Variants in BTNL9 observed in about 807,000 individuals in gnomAD.
BTNL9 encodes the protein butyrophilin-like protein 9.
BTNL9 carries 45 observed loss-of-function variants against 45.8 expected under a neutral mutation model. The ratio of observed to expected loss-of-function variants is 0.98; its 90% CI spans 0.77 to 1.26. The LOEUF is 1.26. Ranked by LOEUF, BTNL9 falls within the 50% of genes most tolerant of loss-of-function variation. The pLI is 0.00. For missense variants in BTNL9, 784 were observed against 729.7 expected (o/e 1.07, Z -0.86); for synonymous variants, 346 against 330.8 (o/e 1.05, Z -0.50).
At position 181,059,114 on chromosome 5, in the gene BTNL9, G is replaced by T. The variant is rs1762026083; in HGVS notation, c.983-123G>T. On this transcript the variant is annotated intron_variant, in intron 10 of 10. Transcript: ENST00000327705. ...AGGGGGTTTGCAGGGGTGAGGGTCG[G>T]GGTAAGGGGTTCATTTCCTCGATTA... is the stretch of plus-strand genomic sequence containing the variant. The T allele has an allele frequency of 2.1e-6, 3 of 1,399,492 alleles. No individual in the cohort carries two copies. The African/African-American group carries it at 4.5e-5, about 21-fold the overall frequency. The allele number at this position is 1,399,492 out of a possible 1,614,324, so 86.7% of individuals were successfully genotyped here.
rs900463576 is a variant in BTNL9, at chr5:181,050,273, T to C, written c.640T>C (p.Ser214Pro). The C allele has an allele frequency of 1.1e-5, 18 of 1,614,006 alleles. No homozygotes were observed. Among genetic ancestry groups the C allele is most frequent in the Middle Eastern group, 3.3e-4 (2 of 6,084 alleles). The part of the protein sequence containing the change: ...DAQDLFSLET[S>P]VVVRAGALSN... ...CCAGGACCTGTTCAGTCTGGAAACA[T>C]CTGTGGTTGTCCGAGCGGGAGCCCT... Residue 214 changes from serine to proline, a missense_variant, in exon 4 of 11, where the codon TCT (serine) becomes CCT (proline). Transcript: ENST00000327705. This position sits in a 1 kb window ranked among gnomAD's most constrained non-coding sequence, Gnocchi z 4.9.
chr5:181,051,486 T>A (rs980789899), intron 4 of BTNL9, among the ~76,000 whole-genome samples: 10 of 152,192 alleles, frequency 6.6e-5, no homozygotes, highest in African/African-American at 2.2e-4. Context: ...ACCACAGCAG[T>A]TCTAAATTCC....
At chr5:181,052,026 A>AG in intron 4 of BTNL9, among the ~76,000 whole-genome samples, 1 of 151,898 alleles carries the variant, frequency 6.6e-6, no homozygotes, top group Non-Finnish European at 1.5e-5. Context: ...CAGAGGGTCG[A>AG]GGGGGAGGGT....
Position 181,053,276 on chromosome 5 carries a change from G to A in BTNL9, c.813G>A (p.Ala271=). The A allele has an allele frequency of 1.9e-6, 3 of 1,584,808 alleles. No homozygotes were observed. The highest frequency in any genetic ancestry group is 1.7e-5 in the Admixed American group (1 of 57,846). Residue 271 remains alanine, a synonymous_variant, in exon 5 of 11, where the codon GCG becomes GCA. Transcript: ENST00000327705. This position sits in a 1 kb window ranked among gnomAD's most constrained non-coding sequence, Gnocchi z 6.5. The stretch of plus-strand genomic sequence containing the variant: ...TGCCGCTGCTGTTGGTCCTCGCGGC[G>A]CTGGCGCTGGGCGTCCTCCGGAAGC... ...ATLPLLLVLA[A]LALGVLRKQR...
At position 181,050,105 on chromosome 5, in the gene BTNL9, C is replaced by T. The variant is rs746068944; in HGVS notation, c.472C>T (p.His158Tyr). 3.7e-6 allele frequency: 6 copies of T among 1,613,846 alleles called. No homozygotes were observed. Among genetic ancestry groups the T allele is most frequent in the Admixed American group, 1.7e-5 (1 of 60,026 alleles). ...LEVAGLGSDP[H>Y]LSLEGFKEGG... ...TCCACCAGGGCTGGGCTCAGACCCT[C>T]ACCTCTCCCTTGAGGGCTTCAAGGA... The change falls in exon 4 of 11, where the codon CAC (histidine) becomes TAC (tyrosine). Residue 158 changes from histidine (H) to tyrosine (Y), a missense_variant. Physicochemically the swap from His to Tyr is moderately conservative, Grantham distance 83. Coordinates refer to ENST00000327705, the MANE Select transcript of BTNL9 (RefSeq NM_152547.5). The surrounding 1 kb of genome is among the most constrained non-coding windows in gnomAD (Gnocchi z 4.9).
chr5:181,054,617 A>G (rs1761778076), intron 7 of BTNL9: 1 of 985,318 alleles, frequency 1.0e-6, no homozygotes, highest in Admixed American at 6.1e-5. Flanking sequence ...AAATGGAAAT[A>G]ATTTCTCAGA....
chr5:181,059,323 CCAG>C lies in BTNL9; in HGVS notation c.1070_1072del (p.Pro357_Gly358delinsArg). 6.4e-7 allele frequency: 1 copy of C among 1,553,314 alleles called. No homozygotes were observed. The highest frequency in any genetic ancestry group is 1.4e-5 in the African/African-American group (1 of 73,610). On this transcript the variant is annotated inframe_deletion, in exon 11 of 11. Transcript: ENST00000327705. Reference sequence around the variant, plus strand: ...GAGCGTGTCTTCCCGCGGGGCGCCGCCAGGCCCGGCGCCTGGCCACCCGCAGCG... The same window carrying C: ...GAGCGTGTCTTCCCGCGGGGCGCCGCGCCCGGCGCCTGGCCACCCGCAGCG...
In BTNL9 at chr5:181,055,904, C is replaced by T. The variant is rs1761858123; in HGVS notation, c.929-85C>T. On this transcript the variant is annotated intron_variant, in intron 8 of 10. Transcript: ENST00000327705. The surrounding 1 kb of genome is among the most constrained non-coding windows in gnomAD (Gnocchi z 4.4). ...TATGTGGGTGGTGGGGGGTGCGGGA[C>T]AGGGTGGGTGCAAGATGTGATGTGT... 1 of 1,528,540 alleles carries T rather than the reference C, an allele frequency of 6.5e-7. No individual in the cohort carries two copies. The highest frequency in any genetic ancestry group is 1.4e-5 in the African/African-American group (1 of 73,032). The allele number at this position is 1,528,540 out of a possible 1,614,324, so 94.7% of individuals were successfully genotyped here.
chr5:181,052,863 C>T (rs1271198728), intron 4 of BTNL9: 3 of 133,180 alleles, frequency 2.3e-5, no homozygotes, highest in African/African-American at 9.3e-5. Flanking sequence ...GGACATCCGC[C>T]GCCAGCCAAG....
intron 9 of BTNL9, among the ~76,000 whole-genome samples, 194 bp downstream of exon 9, chr5:181,056,209 A>G (rs144751346): frequency 6.6e-6 from 1 of 152,082 alleles, no homozygotes; most frequent in Non-Finnish European, 1.5e-5. Context: ...ACTAGTTCCA[A>G]TCCTGGTTAC....
chr5:181,059,231 G>A lies in BTNL9; in HGVS notation c.983-6G>A. The stretch of plus-strand genomic sequence containing the variant: ...GGGCGGGCACTAACGCTGTGGCTCT[G>A]CGCAGTGGATGTGACGCTGGACCCG... On this transcript the variant is annotated splice_region_variant and splice_polypyrimidine_tract_variant and intron_variant, in intron 10 of 10. Transcript: ENST00000327705. The A allele has an allele frequency of 1.9e-6, 3 of 1,540,018 alleles. No individual in the cohort carries two copies. The highest frequency in any genetic ancestry group is 2.6e-6 in the Non-Finnish European group (3 of 1,152,956).
rs1761776306 is a variant in BTNL9 at position 181,054,580 on chromosome 5, G to T, written c.907+321G>T. Reference sequence around the variant, plus strand: ...TTCTTTTTAATGCAAATGGCACTAGGAAGGGTGGCACCTTTAATTTGCACC... The same window carrying T: ...TTCTTTTTAATGCAAATGGCACTAGTAAGGGTGGCACCTTTAATTTGCACC... On this transcript the variant is annotated intron_variant, in intron 7 of 10. Transcript: ENST00000327705. The T allele has an allele frequency of 6.1e-6, 6 of 985,328 alleles. No individual in the cohort carries two copies. The African/African-American group carries it at 7.0e-5, about 11-fold the overall frequency. The allele number at this position is 985,328 out of a possible 1,614,324, so 61.0% of individuals were successfully genotyped here.
chr5:181,059,499 T>G lies in BTNL9; in HGVS notation c.1245T>G (p.Pro415=). 6.4e-7 allele frequency: 1 copy of G among 1,570,304 alleles called. No individual in the cohort carries two copies. ...VPRAGPARLS[P]AAGYWVLGLW... is the part of the protein sequence containing the mutation. ...GCGCGGGGCCTGCGCGCCTGAGCCC[T>G]GCGGCCGGCTACTGGGTGCTGGGGC... Residue 415 remains proline (P), a synonymous_variant, in exon 11 of 11, where the codon CCT becomes CCG. Transcript: ENST00000327705.
intron 1 of BTNL9, among the ~76,000 whole-genome samples, chr5:181,045,150 C>G (rs930435705): frequency 2.0e-5 from 3 of 152,186 alleles, no homozygotes; most frequent in African/African-American, 7.2e-5. Flanking sequence ...GCTGAGCCCC[C>G]ACACATTGTG....
rs1760824067 is a variant in BTNL9 at position 181,042,436 on chromosome 5, G to A, written c.-24+2004G>A. Among the ~76,000 whole-genome samples, 1 of 152,210 alleles carries A rather than the reference G, an allele frequency of 6.6e-6. No individual in the cohort carries two copies. Among genetic ancestry groups the A allele is most frequent in the African/African-American group, 2.4e-5 (1 of 41,446 alleles). The stretch of plus-strand genomic sequence containing the variant: ...ATCAAAATAGCAGAGGGTGGAAAGT[G>A]TTTCCTTCGAGGAGGGGACTTACGC... On this transcript the variant is annotated intron_variant, in intron 1 of 10. Transcript: ENST00000327705. This position sits in a 1 kb window ranked among gnomAD's most constrained non-coding sequence, Gnocchi z 4.5.
intron 2 of BTNL9, 52 bp downstream of exon 2, chr5:181,045,650 C>G (rs369677072): frequency 1.1e-5 from 15 of 1,410,574 alleles, no homozygotes; most frequent in Admixed American, 6.7e-5. Context: ...CCCCTCCTGC[C>G]AGGTGCTCCC....
chr5:181,048,142 G>C lies in BTNL9; in HGVS notation c.325G>C (p.Asp109His), dbSNP rs2113183871. Residue 109 changes from aspartate to histidine, a missense_variant, in exon 3 of 11, where the codon GAC (aspartate) becomes CAC (histidine). Transcript: ENST00000327705. ...AFRNRTKLVK[D>H]DIAYGSVVLQ... is the part of the protein sequence containing the mutation. ...CCGGAACAGGACCAAGTTGGTCAAG[G>C]ACGACATCGCCTATGGCAGCGTGGT... 1 of 1,613,636 alleles carries C rather than the reference G, an allele frequency of 6.2e-7. No homozygotes were observed. The highest frequency in any genetic ancestry group is 1.3e-5 in the African/African-American group (1 of 75,054).
Position 181,055,079 on chromosome 5 carries a change from G to C in BTNL9, c.908-354G>C. 1 of 1,097,308 alleles carries C rather than the reference G, an allele frequency of 9.1e-7. No homozygotes were observed. Among genetic ancestry groups the C allele is most frequent in the Non-Finnish European group, 1.1e-6 (1 of 901,164 alleles). 68.0% of individuals were successfully genotyped at this position (1,097,308 alleles called of 1,614,324 possible). A position where few individuals can be genotyped will look rare whatever the true frequency, so the allele number is the denominator to read the frequency against. On this transcript the variant is annotated intron_variant, in intron 7 of 10. Transcript: ENST00000327705. This position sits in a 1 kb window ranked among gnomAD's most constrained non-coding sequence, Gnocchi z 4.4. ...GAGTGACCGTGAGGCTCACGTAGGC[G>C]GCCCTCAGTGCCTGCACTTAGGCGG... is the stretch of plus-strand genomic sequence containing the variant.
intron 1 of BTNL9, among the ~76,000 whole-genome samples, chr5:181,045,217 C>T (rs941958622): frequency 6.6e-6 from 1 of 152,194 alleles, no homozygotes; most frequent in Non-Finnish European, 1.5e-5. Flanking sequence ...CCTCTGGGAT[C>T]CTTCAGCCTC....
Sources: allele counts gnomAD v4.1 joint callset (sites outside exome capture counted in the v4.1 genomes callset), GRCh38; gene constraint gnomAD v4.1.1; non-coding constraint Gnocchi (gnomAD v3.1); transcripts MANE v1.5; gene names NCBI Gene and HGNC (gene_info 2026-07-23, HGNC 2026-07-21).